The following SERPINE2 variants were observed in gnomAD, a reference collection of about 807,000 sequenced individuals.
The protein encoded by SERPINE2 is serpin family E member 2.
Under a neutral mutation model 36.3 loss-of-function variants are expected in SERPINE2, and 14 were observed. That is an observed-to-expected ratio of 0.39 (90% confidence interval 0.25 to 0.60). The LOEUF is 0.60. Among genes scored for constraint, SERPINE2 ranks in the 20% least tolerant of loss-of-function variants. The probability of loss-of-function intolerance (pLI) is 0.57; values close to 1 mark genes in which losing one functional copy is unlikely to be tolerated. For missense variants in SERPINE2, 418 were observed against 499.6 expected, an observed-to-expected ratio of 0.84 and a Z score of 1.56; for synonymous variants, 192 against 191.8, an observed-to-expected ratio of 1.00 and a Z score of -0.01.
intron 6 of SERPINE2, chr2:223,981,146 G>A (rs1258419744): frequency 6.6e-6 from 1 of 152,122 alleles, no homozygotes; most frequent in Non-Finnish European, 1.5e-5. Context: ...TGTGCTTTTT[G>A]TGTCATCTGC....
chr2:223,988,600 G>GT (rs953325667), intron 4 of SERPINE2, among the ~76,000 whole-genome samples: 35 of 152,118 alleles, frequency 2.3e-4, no homozygotes, highest in African/African-American at 7.2e-4. Context: ...TATTCTTCAT[G>GT]TTTTTTTTCC....
chr2:223,982,886 A>C, intron 5 of SERPINE2, 105 bp from the exon 6 acceptor site: 1 of 726,086 alleles, frequency 1.4e-6, no homozygotes, highest in Non-Finnish European at 2.2e-6. Context: ...TTAATATCTG[A>C]ATACCGATCT....
chr2:224,018,192 G>A (rs1414073457), intron 1 of SERPINE2, among the ~76,000 whole-genome samples: 1 of 152,200 alleles, frequency 6.6e-6, no homozygotes, highest in African/African-American at 2.4e-5. Context: ...CTGAGGAAAT[G>A]GGCGTCAGGC....
At chr2:224,031,630 A>G (rs1376471926) in intron 1 of SERPINE2, among the ~76,000 whole-genome samples, 1 of 152,144 alleles carries the variant, frequency 6.6e-6, no homozygotes, top group African/African-American at 2.4e-5. Context: ...CGGGACGAGC[A>G]TGTGACCATG....
intron 1 of SERPINE2, among the ~76,000 whole-genome samples, chr2:224,009,080 T>C (rs1300541031): frequency 1.3e-5 from 2 of 152,274 alleles, no homozygotes; most frequent in East Asian, 1.9e-4. Context: ...GCGAGCCTCC[T>C]GAATCAAGCC....
chr2:224,033,839 A>G (rs1692453810), intron 1 of SERPINE2, among the ~76,000 whole-genome samples: 1 of 152,318 alleles, frequency 6.6e-6, no homozygotes, highest in South Asian at 2.1e-4. Context: ...GGATAACTGA[A>G]GTGAACACAG....
rs1691762495 is a variant in SERPINE2, at chr2:224,015,252, T to C, written c.-22-13330A>G. 1.3e-5 allele frequency among the ~76,000 whole-genome samples: 2 copies of C among 152,196 alleles called. 1 individual carries two copies. The highest frequency in any genetic ancestry group is 4.1e-4 in the South Asian group (2 of 4,836). The stretch of plus-strand genomic sequence containing the variant: ...TCTTATTACTTGATATTTACTTTCA[T>C]TTTCACGTATTTACTTTACAAATGC... On this transcript the variant is annotated intron_variant, in intron 1 of 8. Transcript: ENST00000409304.
chr2:224,022,428 T>C (rs1167857619), intron 1 of SERPINE2, among the ~76,000 whole-genome samples: 1 of 152,194 alleles, frequency 6.6e-6, no homozygotes, highest in Non-Finnish European at 1.5e-5. Flanking sequence ...TAACTTAGTG[T>C]TCTTCCTTAG....
chr2:224,029,235 G>T (rs1574851261), intron 1 of SERPINE2, among the ~76,000 whole-genome samples: 1 of 152,202 alleles, frequency 6.6e-6, no homozygotes, highest in African/African-American at 2.4e-5. Flanking sequence ...CACACCTTTA[G>T]AAAGAAAGCT....
Position 224,039,182 on chromosome 2 carries a change from G to C in SERPINE2, c.-106C>G, listed in dbSNP as rs1452137867. ...GGGAGCCTGGTCTCGGCGGCGCGGG[G>C]AGTCGGAGGACGCAGCCAAGCGGCG... On this transcript the variant is annotated 5_prime_UTR_variant, in exon 1 of 9. Coordinates refer to ENST00000409304, the MANE Select transcript of SERPINE2 (RefSeq NM_001136528.2). This position sits in a 1 kb window ranked among gnomAD's most constrained non-coding sequence, Gnocchi z 5.2. The C allele has an allele frequency of 1.3e-5, 2 of 151,278 alleles. No individual in the cohort carries two copies. The highest frequency in any genetic ancestry group is 4.1e-4 in the South Asian group (2 of 4,828). 9.4% of individuals were successfully genotyped at this position (151,278 alleles called of 1,614,324 possible).
intron 1 of SERPINE2, among the ~76,000 whole-genome samples, chr2:224,011,458 T>A (rs1361364327): frequency 1.3e-5 from 2 of 152,224 alleles, no homozygotes; most frequent in Non-Finnish European, 2.9e-5. Context: ...AGTACCTAGA[T>A]ACATTTTAAG....
At chr2:224,025,817 G>A (rs1293360186) in intron 1 of SERPINE2, among the ~76,000 whole-genome samples, 1 of 152,100 alleles carries the variant, frequency 6.6e-6, no homozygotes, top group Non-Finnish European at 1.5e-5. Flanking sequence ...TGCCCTCAGA[G>A]GCAAAAATAT....
At chr2:223,977,802 C>G (rs1255760119) in intron 7 of SERPINE2, 175 bp from the exon 8 acceptor site, 4 of 568,980 alleles carry the variant, frequency 7.0e-6, no homozygotes, top group Non-Finnish European at 1.3e-5. Flanking sequence ...ATTTACTAAG[C>G]CTACCTTGGG....
chr2:224,016,824 A>C (rs1691813953), intron 1 of SERPINE2, among the ~76,000 whole-genome samples: 1 of 152,220 alleles, frequency 6.6e-6, no homozygotes, highest in South Asian at 2.1e-4. Flanking sequence ...ACACAAAACA[A>C]CTTGGTTGGA....
chr2:224,019,101 C>T (rs1464582870), intron 1 of SERPINE2, among the ~76,000 whole-genome samples: 4 of 152,156 alleles, frequency 2.6e-5, no homozygotes, highest in African/African-American at 7.2e-5. Flanking sequence ...GCAGGAAATA[C>T]GTTCTAAGAC....
At chr2:223,994,428 T>G (rs1208533182) in intron 3 of SERPINE2, among the ~76,000 whole-genome samples, 1 of 152,162 alleles carries the variant, frequency 6.6e-6, no homozygotes, top group African/African-American at 2.4e-5. Context: ...AAGAGGCACA[T>G]GGAAACCTGC....
rs1689983370 is a variant in SERPINE2, at chr2:223,975,728, T to A, written c.*139A>T. ...ACCTCCCAGAACAGAAACACTTGCA[T>A]CGAGTCTGTTCCTAAGAACTAGTTT... On this transcript the variant is annotated 3_prime_UTR_variant, in exon 9 of 9. Transcript: ENST00000409304. 1.7e-5 allele frequency: 11 copies of A among 633,150 alleles called. No individual in the cohort carries two copies. Among genetic ancestry groups the A allele is most frequent in the Middle Eastern group, 8.8e-4 (2 of 2,268 alleles). 39.2% of individuals were successfully genotyped at this position (633,150 alleles called of 1,614,324 possible).
Position 223,975,892 on chromosome 2 carries a change from A to G in SERPINE2, c.1169T>C (p.Phe390Ser). The G allele has an allele frequency of 1.9e-6, 3 of 1,599,482 alleles. No homozygotes were observed. Among genetic ancestry groups the G allele is most frequent in the Non-Finnish European group, 2.6e-6 (3 of 1,170,264 alleles). The change falls in exon 9 of 9, where the codon TTC becomes TCC. Residue 390 changes from phenylalanine to serine, a missense_variant. By Grantham distance (155) the Phe-to-Ser change is radical (BLOSUM62 -2). Coordinates refer to ENST00000409304, the MANE Select transcript of SERPINE2 (RefSeq NM_001136528.2). ...TCAGGGTTTGTTTATCTGCCCCATGAATAACACAGCACCTACAGAATTAAA... is the reference window on the plus strand; with the variant it reads ...TCAGGGTTTGTTTATCTGCCCCATGGATAACACAGCACCTACAGAATTAAA... ...IRHNPTGAVLFMGQINKP is the reference protein window; with the variant it reads ...IRHNPTGAVLSMGQINKP
intron 1 of SERPINE2, among the ~76,000 whole-genome samples, chr2:224,038,256 T>TC (rs1692591934): frequency 6.6e-6 from 1 of 151,992 alleles, no homozygotes; most frequent in Admixed American, 6.6e-5. Flanking sequence ...TATAAGAACG[T>TC]CCCCTGCAAA....
Sources: allele counts gnomAD v4.1 joint callset (sites outside exome capture counted in the v4.1 genomes callset), GRCh38; gene constraint gnomAD v4.1.1; non-coding constraint Gnocchi (gnomAD v3.1); transcripts MANE v1.5; gene names NCBI Gene and HGNC (gene_info 2026-07-23, HGNC 2026-07-21).